The following NMT2 variants were observed in gnomAD, a reference collection of about 807,000 sequenced individuals.
The protein encoded by NMT2 is glycylpeptide N-tetradecanoyltransferase 2.
Under a neutral mutation model 65.4 loss-of-function variants are expected in NMT2, and 35 were observed. The ratio of observed to expected loss-of-function variants is 0.54; its 90% confidence interval spans 0.41 to 0.71. The LOEUF (loss-of-function observed/expected upper bound fraction) is 0.71. NMT2 is among the 30% of genes least tolerant of loss of function. NMT2 has a pLI of 0.00. For synonymous variants in NMT2, 226 were observed against 231.8 expected, an observed-to-expected ratio of 0.98 and a Z score of 0.23; for missense variants, 489 against 611.3, an observed-to-expected ratio of 0.80 and a Z score of 2.11.
chr10:15,166,698 G>A (rs1231714147), intron 1 of NMT2, among the ~76,000 whole-genome samples: 5 of 152,144 alleles, frequency 3.3e-5, no homozygotes, highest in Non-Finnish European at 5.9e-5. Flanking sequence ...AGTCCATGGG[G>A]CATCTCTAAA....
Position 15,107,458 on chromosome 10 carries a change from A to G in NMT2, c.*1737T>C. The stretch of plus-strand genomic sequence containing the variant: ...CCAGTAAAAGCAGGGAAAAGTATCT[A>G]CTTTTGTTTTTTGAGACGGAGTCTT... On this transcript the variant is annotated 3_prime_UTR_variant, in exon 12 of 12. Transcript: ENST00000378165. 1 of 985,306 alleles carries G rather than the reference A, an allele frequency of 1.0e-6. No individual in the cohort carries two copies. 61.0% of individuals were successfully genotyped at this position (985,306 alleles called of 1,614,324 possible).
intron 1 of NMT2, among the ~76,000 whole-genome samples, chr10:15,143,293 G>A (rs1387077887): frequency 2.0e-5 from 3 of 152,154 alleles, no homozygotes; most frequent in African/African-American, 4.8e-5. Flanking sequence ...AATCATGGTG[G>A]ACATGCCTGT....
chr10:15,131,216 T>C (rs1212237154), intron 6 of NMT2, among the ~76,000 whole-genome samples: 1 of 152,124 alleles, frequency 6.6e-6, no homozygotes, highest in Non-Finnish European at 1.5e-5. Flanking sequence ...GCACGGAGGC[T>C]CCAACCCTCT....
chr10:15,129,860 A>G (rs1488776175), intron 7 of NMT2, among the ~76,000 whole-genome samples: 3 of 149,634 alleles, frequency 2.0e-5, no homozygotes, highest in African/African-American at 7.5e-5. Flanking sequence ...GTGAGCCAAT[A>G]TCACGCCACT....
In NMT2 at chr10:15,109,218, G is replaced by T. The variant is rs1270394207; in HGVS notation, c.1477-3C>A. On this transcript the variant is annotated splice_region_variant and splice_polypyrimidine_tract_variant and intron_variant, in intron 11 of 11. Coordinates refer to ENST00000378165, the MANE Select transcript of NMT2 (RefSeq NM_004808.3). ...ATCTATTGTAGTACTAGTCCAACCT[G>T]AAGGGAGGGAAGAAATGGAATAGTA... The T allele has an allele frequency of 1.2e-6, 2 of 1,603,086 alleles. No individual in the cohort carries two copies. Among genetic ancestry groups the T allele is most frequent in the Non-Finnish European group, 1.7e-6 (2 of 1,175,968 alleles).
chr10:15,113,796 C>T (rs1195823075), intron 9 of NMT2, among the ~76,000 whole-genome samples: 1 of 152,114 alleles, frequency 6.6e-6, no homozygotes, highest in Non-Finnish European at 1.5e-5. Context: ...CACATGTGAA[C>T]AACTGGAGAA....
Position 15,108,847 on chromosome 10 carries a change from T to A in NMT2, c.*348A>T. On this transcript the variant is annotated 3_prime_UTR_variant, in exon 12 of 12. Transcript: ENST00000378165. ...TCTCCACACAATAGCAAAGATTTTC[T>A]TACATGACTCTGTAACTTCTACTTA... 3.7e-6 allele frequency: 4 copies of A among 1,069,718 alleles called. No individual in the cohort carries two copies. Among genetic ancestry groups the A allele is most frequent in the Non-Finnish European group, 4.5e-6 (4 of 884,986 alleles). The allele number at this position is 1,069,718 out of a possible 1,614,324, so 66.3% of individuals were successfully genotyped here.
At chr10:15,141,337 A>C in intron 2 of NMT2, 85 bp downstream of exon 2, 1 of 1,521,532 alleles carries the variant, frequency 6.6e-7, no homozygotes, top group South Asian at 1.2e-5. Flanking sequence ...GTCCCTACAC[A>C]TCTGATGCAG....
At chr10:15,125,628 T>TTGTA (rs200867857) in intron 8 of NMT2, among the ~76,000 whole-genome samples, 4,033 of 152,132 alleles carry the variant, frequency 0.027, 88 homozygotes, top group Admixed American at 0.075. Context: ...TTTTTGAAGT[T>TTGTA]TGTATGTATG....
Position 15,105,995 on chromosome 10 carries a change from G to A in NMT2, c.*3200C>T. ...AAAGTTTCCAACTGGCAATGCTGCA[G>A]TTATTTATTTTACTTTCGAGATAGA... On this transcript the variant is annotated 3_prime_UTR_variant, in exon 12 of 12. Coordinates refer to ENST00000378165, the MANE Select transcript of NMT2 (RefSeq NM_004808.3). 1 of 419,224 alleles carries A rather than the reference G, an allele frequency of 2.4e-6. No homozygotes were observed. Among genetic ancestry groups the A allele is most frequent in the Non-Finnish European group, 4.7e-6 (1 of 212,450 alleles). 26.0% of individuals were successfully genotyped at this position (419,224 alleles called of 1,614,324 possible).
At chr10:15,153,027 C>CT (rs970426720) in intron 1 of NMT2, among the ~76,000 whole-genome samples, 10 of 151,900 alleles carry the variant, frequency 6.6e-5, no homozygotes, top group African/African-American at 1.2e-4. Flanking sequence ...AGCAGCCCCC[C>CT]TTTTTTTTAT....
intron 1 of NMT2, among the ~76,000 whole-genome samples, chr10:15,163,980 C>A (rs1833288250): frequency 6.6e-6 from 1 of 151,946 alleles, no homozygotes; most frequent in Non-Finnish European, 1.5e-5. Context: ...GAGATGGAGA[C>A]CATCCTGGCT....
At chr10:15,131,446 G>A (rs1377011752) in intron 6 of NMT2, among the ~76,000 whole-genome samples, 3 of 151,654 alleles carry the variant, frequency 2.0e-5, no homozygotes, top group South Asian at 2.1e-4. Context: ...ACTACGACCT[G>A]CCCGTCTTTA....
At chr10:15,151,059 C>CTTTTTTTTTTT (rs200879621) in intron 1 of NMT2, among the ~76,000 whole-genome samples, 2 of 139,896 alleles carry the variant, frequency 1.4e-5, no homozygotes, top group African/African-American at 5.4e-5. Context: ...TAGCTTCCTC[C>CTTTTTTTTTTT]TTTTTTTTTT....
At chr10:15,148,670 A>G (rs1168683379) in intron 1 of NMT2, among the ~76,000 whole-genome samples, 1 of 152,224 alleles carries the variant, frequency 6.6e-6, no homozygotes, top group Non-Finnish European at 1.5e-5. Flanking sequence ...TGCTAGCTGG[A>G]ACAGTATTGT....
At chr10:15,128,989 C>CAG (rs1214445534) in intron 7 of NMT2, among the ~76,000 whole-genome samples, 1 of 152,150 alleles carries the variant, frequency 6.6e-6, no homozygotes, top group Non-Finnish European at 1.5e-5. Flanking sequence ...GCATGGGCAA[C>CAG]AGAGCAAGAC....
intron 1 of NMT2, among the ~76,000 whole-genome samples, chr10:15,159,831 A>G (rs1588460842): frequency 6.6e-6 from 1 of 152,090 alleles, no homozygotes; most frequent in Non-Finnish European, 1.5e-5. Flanking sequence ...CAAGGAACTC[A>G]CCTCTAGGAG....
intron 1 of NMT2, among the ~76,000 whole-genome samples, chr10:15,162,274 TG>T: frequency 7.6e-6 from 1 of 130,942 alleles, no homozygotes; most frequent in East Asian, 2.2e-4. Flanking sequence ...AAAAAAAAAG[TG>T]TACAGATAAT....
intron 6 of NMT2, among the ~76,000 whole-genome samples, chr10:15,131,813 A>C (rs1330316529): frequency 6.6e-6 from 1 of 152,204 alleles, no homozygotes; most frequent in Non-Finnish European, 1.5e-5. Flanking sequence ...ATCCAAACTA[A>C]AAGTGCAATG....
Sources: gnomAD v4.1 joint callset for allele counts (sites outside exome capture counted in the v4.1 genomes callset) on GRCh38, gnomAD v4.1.1 for gene constraint, MANE v1.5 for transcripts, NCBI Gene and HGNC (gene_info 2026-07-23, HGNC 2026-07-21) for gene names.